Variants in ACTR3C observed in about 807,000 individuals in gnomAD.
ACTR3C encodes the protein actin-related protein 3C.
In ACTR3C, 18 loss-of-function variants were observed where a neutral mutation model predicts 26.3. That is an observed-to-expected ratio of 0.68 (90% CI 0.47 to 1.01). The LOEUF (loss-of-function observed/expected upper bound fraction) is 1.01, where lower values mean the gene tolerates loss of function less well. ACTR3C is among the 50% of genes least tolerant of loss of function. ACTR3C has a pLI of 0.00. For missense variants in ACTR3C, 184 were observed against 250.7 expected, an observed-to-expected ratio of 0.73 and a Z score of 1.80; for synonymous variants, 55 against 94.5, an observed-to-expected ratio of 0.58 and a Z score of 2.42.
chr7:149,929,070 A>T, the ACTR3C span, among the ~76,000 whole-genome samples: 1 of 152,192 alleles, frequency 6.6e-6, no homozygotes, highest in Non-Finnish European at 1.5e-5. Flanking sequence ...ATAAATGGAG[A>T]CAGAATAATA....
the ACTR3C span, among the ~76,000 whole-genome samples, chr7:150,048,347 G>A: frequency 1.3e-5 from 2 of 151,848 alleles, no homozygotes; most frequent in Admixed American, 6.6e-5. Flanking sequence ...CTTCCCCACC[G>A]GCCTCCTCCC....
the ACTR3C span, among the ~76,000 whole-genome samples, chr7:150,172,394 AAC>A: frequency 6.6e-6 from 1 of 150,642 alleles, no homozygotes; most frequent in Admixed American, 6.6e-5. Flanking sequence ...ACCCCTGATA[AAC>A]ACATCAGATC....
At chr7:150,005,757 G>A in the ACTR3C span, among the ~76,000 whole-genome samples, 4 of 152,182 alleles carry the variant, frequency 2.6e-5, no homozygotes, top group Admixed American at 6.5e-5. Flanking sequence ...GTTATACTGC[G>A]AGAGACTTTC....
the ACTR3C span, among the ~76,000 whole-genome samples, chr7:150,036,917 C>G: frequency 3.6e-5 from 4 of 109,796 alleles, no homozygotes; most frequent in African/African-American, 1.0e-4. Flanking sequence ...GTGCCTCCCC[C>G]CTCTGCGATG....
chr7:149,891,220 C>A, the ACTR3C span: 3 of 1,179,746 alleles, frequency 2.5e-6, no homozygotes, highest in African/African-American at 4.5e-5. Flanking sequence ...TCAGGTTCAG[C>A]TCGAAGATAT....
chr7:150,011,263 C>A, the ACTR3C span, among the ~76,000 whole-genome samples: 5 of 152,016 alleles, frequency 3.3e-5, no homozygotes, highest in Non-Finnish European at 5.9e-5. Context: ...TTAACACCTT[C>A]ATCAAAGGTC....
chr7:150,121,465 G>A, the ACTR3C span, among the ~76,000 whole-genome samples: 1 of 148,310 alleles, frequency 6.7e-6, no homozygotes, highest in African/African-American at 2.5e-5. Context: ...CAAATCATGA[G>A]TGAACTCCTA....
the ACTR3C span, among the ~76,000 whole-genome samples, chr7:149,939,369 A>G: frequency 6.6e-6 from 1 of 152,200 alleles, no homozygotes; most frequent in Non-Finnish European, 1.5e-5. Context: ...CATATTAGCA[A>G]TTGGGGAGCA....
intron 6 of ACTR3C, among the ~76,000 whole-genome samples, chr7:150,251,270 C>T (rs183487840): frequency 2.9e-4 from 44 of 152,320 alleles, no homozygotes; most frequent in Admixed American, 1.2e-3. Context: ...GTGTTCAACA[C>T]TAAATTCTGA....
At chr7:150,180,316 AC>A in the ACTR3C span, among the ~76,000 whole-genome samples, 1 of 150,052 alleles carries the variant, frequency 6.7e-6, no homozygotes, top group Admixed American at 6.6e-5. Flanking sequence ...AAAAACAAAA[AC>A]AAAAACAAAA....
At chr7:150,215,066 C>CT in the ACTR3C span, among the ~76,000 whole-genome samples, 120 of 149,586 alleles carry the variant, frequency 8.0e-4, 3 homozygotes, top group East Asian at 0.015. Flanking sequence ...CTGATTAATC[C>CT]TTTTTTTTAA....
chr7:150,108,499 T>C, the ACTR3C span, among the ~76,000 whole-genome samples: 1 of 151,382 alleles, frequency 6.6e-6, no homozygotes, highest in Non-Finnish European at 1.5e-5. Flanking sequence ...TGGGAGGTAC[T>C]ATGGTCTGAA....
At chr7:150,250,459 T>C (rs998438220) in intron 6 of ACTR3C, among the ~76,000 whole-genome samples, 1 of 151,930 alleles carries the variant, frequency 6.6e-6, no homozygotes, top group Non-Finnish European at 1.5e-5. Flanking sequence ...CGCCTCGGCC[T>C]CCCAAAGTGC....
At chr7:149,929,208 G>A in the ACTR3C span, among the ~76,000 whole-genome samples, 1 of 151,960 alleles carries the variant, frequency 6.6e-6, no homozygotes. Flanking sequence ...CGGGTGGATT[G>A]CTTGAGATCA....
chr7:150,323,239 CG>C, intron 1 of ACTR3C: 2 of 240,702 alleles, frequency 8.3e-6, no homozygotes, highest in South Asian at 4.0e-5. Context: ...AACTGCGAGG[CG>C]GGGGGTGCGC....
chr7:150,035,201 C>T, the ACTR3C span, among the ~76,000 whole-genome samples: 66 of 116,802 alleles, frequency 5.7e-4, no homozygotes, highest in African/African-American at 1.8e-3. Context: ...CCCCGCCTCA[C>T]GGGGGGTGCC....
the ACTR3C span, among the ~76,000 whole-genome samples, chr7:150,222,172 T>C: frequency 6.6e-6 from 1 of 152,232 alleles, no homozygotes; most frequent in Non-Finnish European, 1.5e-5. Flanking sequence ...GTTTGGTTGC[T>C]TTTGGCTGCT....
chr7:149,961,740 G>C, the ACTR3C span, among the ~76,000 whole-genome samples: 6 of 152,068 alleles, frequency 3.9e-5, no homozygotes, highest in African/African-American at 1.4e-4. Flanking sequence ...CAGAGGAAGT[G>C]TACACTCACA....
At chr7:150,041,018 C>G in the ACTR3C span, among the ~76,000 whole-genome samples, 69 of 150,216 alleles carry the variant, frequency 4.6e-4, 2 homozygotes, top group Admixed American at 7.2e-4. Context: ...CGTAGGCTAC[C>G]GGCCTCAGCC....
Sources: allele counts gnomAD v4.1 joint callset (sites outside exome capture counted in the v4.1 genomes callset), GRCh38; gene constraint gnomAD v4.1.1; transcripts MANE v1.5; gene names NCBI Gene and HGNC (gene_info 2026-07-23, HGNC 2026-07-21).